Variants in CPSF6 observed in about 807,000 individuals in gnomAD.
CPSF6 encodes the protein cleavage and polyadenylation specificity factor subunit 6.
A neutral mutation model predicts 56.7 loss-of-function variants in CPSF6; 10 were observed. The ratio of observed to expected loss-of-function variants is 0.18; its 90% CI spans 0.11 to 0.30. The LOEUF (loss-of-function observed/expected upper bound fraction) is 0.30. Among genes scored for constraint, CPSF6 ranks in the 10% least tolerant of loss-of-function variants. CPSF6 has a pLI of 1.00. For synonymous variants in CPSF6, 248 were observed against 244.8 expected, an observed-to-expected ratio of 1.01 and a Z score of -0.12; for missense variants, 419 against 722.9, an observed-to-expected ratio of 0.58 and a Z score of 4.82.
intron 9 of CPSF6, among the ~76,000 whole-genome samples, chr12:69,265,470 A>T (rs1181256784): frequency 6.6e-6 from 1 of 152,116 alleles, no homozygotes; most frequent in Non-Finnish European, 1.5e-5. Context: ...GTTTTTTTAA[A>T]ATACTCTTTA....
intron 8 of CPSF6, 37 bp downstream of exon 8, chr12:69,260,234 TGTTA>T: frequency 1.4e-6 from 2 of 1,459,988 alleles, no homozygotes; most frequent in Non-Finnish European, 1.8e-6. Context: ...TTAAAAAAAC[TGTTA>T]GTTTACAAAT....
intron 9 of CPSF6, 29 bp downstream of exon 9, chr12:69,262,591 T>C (rs1308680183): frequency 1.3e-6 from 2 of 1,581,958 alleles, no homozygotes; most frequent in Non-Finnish European, 1.7e-6. Flanking sequence ...CTGTTAAATG[T>C]GTGTGTATTC....
chr12:69,243,973 A>G (rs1417236902), intron 1 of CPSF6, among the ~76,000 whole-genome samples: 1 of 152,096 alleles, frequency 6.6e-6, no homozygotes, highest in Non-Finnish European at 1.5e-5. Flanking sequence ...AGCTGAGACT[A>G]CAGGCATGTG....
At chr12:69,246,556 T>G (rs1292824590) in intron 1 of CPSF6, among the ~76,000 whole-genome samples, 1 of 152,230 alleles carries the variant, frequency 6.6e-6, no homozygotes, top group Non-Finnish European at 1.5e-5. Context: ...CAGGGATTAC[T>G]AGCCAGTTTT....
At chr12:69,249,287 A>T (rs11177569) in intron 1 of CPSF6, among the ~76,000 whole-genome samples, 16,711 of 139,736 alleles carry the variant, frequency 0.12, 1,189 homozygotes, top group Non-Finnish European at 0.16. Context: ...ATAAATAAAT[A>T]AAAATTAAAA....
In CPSF6 at chr12:69,273,188, A is replaced by G. The variant is rs780378082; in HGVS notation, c.*3680A>G. On this transcript the variant is annotated 3_prime_UTR_variant, in exon 10 of 10. Transcript: ENST00000435070. ...TCTTATACTCTTCTTTCTTGGCATT[A>G]GAAAGAAGCAATATGAATTTTTGTG... 1.9e-6 allele frequency: 1 copy of G among 517,396 alleles called. No individual in the cohort carries two copies. The highest frequency in any genetic ancestry group is 5.6e-5 in the East Asian group (1 of 17,908). 32.1% of individuals were successfully genotyped at this position (517,396 alleles called of 1,614,324 possible).
At chr12:69,260,466 TACTC>T (rs1441865582) in intron 8 of CPSF6, among the ~76,000 whole-genome samples, 2 of 152,164 alleles carry the variant, frequency 1.3e-5, no homozygotes, top group South Asian at 2.1e-4. Flanking sequence ...CCTCTCCCCT[TACTC>T]ACTGTTCTCC....
At chr12:69,240,142 G>T (rs1565640209) in intron 1 of CPSF6, among the ~76,000 whole-genome samples, 1 of 151,560 alleles carries the variant, frequency 6.6e-6, no homozygotes, top group Non-Finnish European at 1.5e-5. Flanking sequence ...GCCCGCCGCC[G>T]CCGCCCCTTC....
rs747206154 is a variant in CPSF6, at chr12:69,258,554, G to T, written c.695-36G>T. On this transcript the variant is annotated intron_variant, in intron 5 of 9. Coordinates refer to ENST00000435070, the MANE Select transcript of CPSF6 (RefSeq NM_007007.3). The surrounding 1 kb of genome is among the most constrained non-coding windows in gnomAD (Gnocchi z 4.2). ...AAAGTTAAAATATCTTATTAGTGAA[G>T]TGTTTTTTTTTCTCTCTTTCTCCTT... 7.1e-7 allele frequency: 1 copy of T among 1,416,454 alleles called. No individual in the cohort carries two copies. Among genetic ancestry groups the T allele is most frequent in the Non-Finnish European group, 9.2e-7 (1 of 1,084,414 alleles). The allele number at this position is 1,416,454 out of a possible 1,614,324, so 87.7% of individuals were successfully genotyped here.
chr12:69,273,637 A>G lies in CPSF6; in HGVS notation c.*4129A>G, dbSNP rs776519438. The G allele has an allele frequency of 6.6e-6, 1 of 152,008 alleles. No individual in the cohort carries two copies. The highest frequency in any genetic ancestry group is 1.5e-5 in the Non-Finnish European group (1 of 67,864). The allele number at this position is 152,008 out of a possible 1,614,324, so 9.4% of individuals were successfully genotyped here. On this transcript the variant is annotated 3_prime_UTR_variant, in exon 10 of 10. Coordinates refer to ENST00000435070, the MANE Select transcript of CPSF6 (RefSeq NM_007007.3). ...CTTTTTGTCGCACTGTTACTGCGTA[A>G]CACTTCTCAACATTCTGTAAGTTAA... is the stretch of plus-strand genomic sequence containing the variant.
At chr12:69,242,781 T>C (rs982520030) in intron 1 of CPSF6, among the ~76,000 whole-genome samples, 4 of 152,214 alleles carry the variant, frequency 2.6e-5, no homozygotes, top group Admixed American at 6.5e-5. Flanking sequence ...ATTGTAGATT[T>C]TAAAATTCTG....
rs772725230 is a variant in CPSF6, at chr12:69,258,785, C to A, written c.890C>A (p.Pro297Gln). The A allele has an allele frequency of 6.2e-7, 1 of 1,614,014 alleles. No individual in the cohort carries two copies. The highest frequency in any genetic ancestry group is 8.5e-7 in the Non-Finnish European group (1 of 1,179,974). ...PPLGPLPPGP[P>Q]PPVPGYGPPP... ...TTGGGTCCACTTCCTCCTGGCCCTCCACCTCCAGTTCCAGGCTACGGCCCC... is the reference window on the plus strand; with the variant it reads ...TTGGGTCCACTTCCTCCTGGCCCTCAACCTCCAGTTCCAGGCTACGGCCCC... The change falls in exon 6 of 10, where the codon CCA becomes CAA. Residue 297 changes from proline (P) to glutamine (Q), a missense_variant. By Grantham distance (76) the Pro-to-Gln change is moderately conservative. This residue lies in a region of CPSF6 where 211 missense variants were observed against 296.0 expected (regional missense o/e 0.71). Coordinates refer to ENST00000435070, the MANE Select transcript of CPSF6 (RefSeq NM_007007.3). The surrounding 1 kb of genome is among the most constrained non-coding windows in gnomAD (Gnocchi z 4.2).
In CPSF6 at chr12:69,258,128, C is replaced by T. The variant is rs867546342; in HGVS notation, c.694+223C>T. On this transcript the variant is annotated intron_variant, in intron 5 of 9. Transcript: ENST00000435070. The surrounding 1 kb of genome is among the most constrained non-coding windows in gnomAD (Gnocchi z 4.2). The stretch of plus-strand genomic sequence containing the variant: ...ATGGGGCACAGCATAGAGGAAATAC[C>T]CATTTTTGGCCTAAAAGGTCTTTAT... 1.3e-6 allele frequency: 2 copies of T among 1,531,742 alleles called. No individual in the cohort carries two copies. Among genetic ancestry groups the T allele is most frequent in the Admixed American group, 2.0e-5 (1 of 50,856 alleles). 94.9% of individuals were successfully genotyped at this position (1,531,742 alleles called of 1,614,324 possible).
chr12:69,241,677 T>A (rs1190733408), intron 1 of CPSF6, among the ~76,000 whole-genome samples: 2 of 152,208 alleles, frequency 1.3e-5, no homozygotes, highest in Non-Finnish European at 2.9e-5. Context: ...AAGAGATTAG[T>A]TTTGTGGACC....
chr12:69,249,278 TAAATAAATAA>T (rs930107083), intron 1 of CPSF6, among the ~76,000 whole-genome samples: 7 of 144,328 alleles, frequency 4.9e-5, no homozygotes, highest in African/African-American at 1.9e-4. Context: ...CTCAAAAAAA[TAAATAAATAA>T]AAATTAAAAT....
chr12:69,262,028 C>T (rs1210028739), intron 8 of CPSF6, among the ~76,000 whole-genome samples: 1 of 152,124 alleles, frequency 6.6e-6, no homozygotes, highest in Non-Finnish European at 1.5e-5. Flanking sequence ...TGTAGATGTT[C>T]TTTAGCTTGA....
Position 69,253,159 on chromosome 12 carries a change from G to T in CPSF6, c.374+5G>T. On this transcript the variant is annotated splice_donor_5th_base_variant and intron_variant, in intron 3 of 9. Coordinates refer to ENST00000435070, the MANE Select transcript of CPSF6 (RefSeq NM_007007.3). ...GGCAAATGGCCAGTCAAAGGGGTAA[G>T]TTTTTTTTTTCTTTCTTTTTGATTT... The T allele has an allele frequency of 1.6e-6, 2 of 1,266,034 alleles. No individual in the cohort carries two copies. The highest frequency in any genetic ancestry group is 2.2e-6 in the Non-Finnish European group (2 of 917,720). 78.4% of individuals were successfully genotyped at this position (1,266,034 alleles called of 1,614,324 possible). A position where few individuals can be genotyped will look rare whatever the true frequency, so the allele number is the denominator to read the frequency against.
rs758850996 is a variant in CPSF6, at chr12:69,259,086, C to G, written c.1191C>G (p.Pro397=). The change falls in exon 6 of 10, where the codon CCC becomes CCG. Residue 397 remains proline, a synonymous_variant. Transcript: ENST00000435070. ...CATATGATAGGGGTGACTATGGCCC[C>G]CCTGGAAGGTAAGTTAGTGTGTATC... The part of the protein sequence containing the change: ...PPPYDRGDYG[P]PGREMDTART... The G allele has an allele frequency of 3.8e-6, 6 of 1,599,450 alleles. No individual in the cohort carries two copies. Among genetic ancestry groups the G allele is most frequent in the Non-Finnish European group, 5.1e-6 (6 of 1,178,636 alleles).
At chr12:69,254,961 A>G (rs1872437154) in intron 3 of CPSF6, 1 of 152,216 alleles carries the variant, frequency 6.6e-6, no homozygotes, top group African/African-American at 2.4e-5. Context: ...AATTTATTAT[A>G]TTTATGAAGT....
Sources: allele counts gnomAD v4.1 joint callset (sites outside exome capture counted in the v4.1 genomes callset), GRCh38; gene constraint gnomAD v4.1.1; regional missense constraint gnomAD v4.1.1; non-coding constraint Gnocchi (gnomAD v3.1); transcripts MANE v1.5; gene names NCBI Gene and HGNC (gene_info 2026-07-23, HGNC 2026-07-21).